The following ARFGEF1 variants were observed in gnomAD, a reference collection of about 807,000 sequenced individuals.
ARFGEF1 encodes brefeldin A-inhibited guanine nucleotide-exchange protein 1.
A neutral mutation model predicts 231.0 loss-of-function variants in ARFGEF1; 42 were observed. The ratio of observed to expected loss-of-function variants is 0.18; its 90% CI spans 0.14 to 0.24. The LOEUF is 0.24. ARFGEF1 is among the 10% of genes least tolerant of loss of function. ARFGEF1 has a pLI of 1.00. For missense variants in ARFGEF1, 1,345 were observed against 2,192.0 expected, an observed-to-expected ratio of 0.61 and a Z score of 7.72; for synonymous variants, 710 against 732.3, an observed-to-expected ratio of 0.97 and a Z score of 0.49.
intron 23 of ARFGEF1, 43 bp downstream of exon 23, chr8:67,232,812 G>A (rs1839598237): frequency 6.9e-7 from 1 of 1,453,116 alleles, no homozygotes; most frequent in African/African-American, 1.4e-5. Context: ...CTAAAGAACT[G>A]AAATAGTAAT....
intron 27 of ARFGEF1, 45 bp downstream of exon 27, chr8:67,227,091 CT>C (rs375978872): frequency 0.047 from 45,835 of 970,044 alleles, no homozygotes; most frequent in South Asian, 0.082. Flanking sequence ...GTTAAGGTTG[CT>C]TTTTTTTTTT....
At chr8:67,339,457 A>T (rs1293765008) in intron 1 of ARFGEF1, among the ~76,000 whole-genome samples, 1 of 152,052 alleles carries the variant, frequency 6.6e-6, no homozygotes, top group Non-Finnish European at 1.5e-5. Context: ...ACCCTAACAT[A>T]AAAGAAACTC....
intron 23 of ARFGEF1, among the ~76,000 whole-genome samples, chr8:67,230,255 C>T (rs1027148880): frequency 2.6e-5 from 4 of 152,072 alleles, no homozygotes; most frequent in African/African-American, 7.2e-5. Context: ...ATGGTTTCTA[C>T]ATTTTCCATA....
chr8:67,335,717 C>T (rs1019548397), intron 1 of ARFGEF1, among the ~76,000 whole-genome samples: 2 of 151,862 alleles, frequency 1.3e-5, no homozygotes, highest in Non-Finnish European at 2.9e-5. Context: ...CCTAAAGACA[C>T]GCCAGTGGTA....
At chr8:67,205,217 T>C (rs147221669) in intron 34 of ARFGEF1, among the ~76,000 whole-genome samples, 135 of 152,304 alleles carry the variant, frequency 8.9e-4, no homozygotes, top group Non-Finnish European at 1.7e-3. Context: ...TTGGAGCCAC[T>C]GCCCCAAGAC....
rs1166044194 is a variant in ARFGEF1, at chr8:67,238,738, A to G, written c.3135T>C (p.His1045=). ...GTTGAAAATAAAGTGCTTATACCTC[A>G]TGCCATGAATTTCCTAAATAATTTC... ...TDGNYLGNSW[H]EILKCISQLE... Residue 1045 remains histidine (H), a synonymous_variant, in exon 21 of 39, where the codon CAT becomes CAC. Coordinates refer to ENST00000262215, the MANE Select transcript of ARFGEF1 (RefSeq NM_006421.5). 1 of 1,613,460 alleles carries G rather than the reference A, an allele frequency of 6.2e-7. No individual in the cohort carries two copies. Among genetic ancestry groups the G allele is most frequent in the Non-Finnish European group, 8.5e-7 (1 of 1,179,762 alleles).
At chr8:67,322,743 TCTC>T (rs1310926173) in intron 1 of ARFGEF1, among the ~76,000 whole-genome samples, 2 of 152,158 alleles carry the variant, frequency 1.3e-5, no homozygotes, top group Non-Finnish European at 2.9e-5. Flanking sequence ...CGAAAAGTCT[TCTC>T]CTGCACTTCT....
chr8:67,303,420 A>C (rs1471106112), intron 1 of ARFGEF1, among the ~76,000 whole-genome samples: 1 of 152,100 alleles, frequency 6.6e-6, no homozygotes, highest in Non-Finnish European at 1.5e-5. Flanking sequence ...AAGACCCTTA[A>C]ATTTAATTGG....
chr8:67,313,043 A>G (rs1186994625), intron 1 of ARFGEF1, among the ~76,000 whole-genome samples: 1 of 152,240 alleles, frequency 6.6e-6, no homozygotes, highest in South Asian at 2.1e-4. Flanking sequence ...GTAAAGTAGC[A>G]GACTTATGCC....
intron 19 of ARFGEF1, among the ~76,000 whole-genome samples, chr8:67,245,959 A>T (rs2128881904): frequency 6.6e-6 from 1 of 150,666 alleles, no homozygotes; most frequent in East Asian, 1.9e-4. Context: ...TACTTGTATC[A>T]GAAAAAATAT....
downstream of ARFGEF1, among the ~76,000 whole-genome samples, chr8:67,194,990 GA>G (rs1178669977): frequency 1.3e-5 from 2 of 151,974 alleles, no homozygotes; most frequent in East Asian, 3.9e-4. Flanking sequence ...AAAATAAAAA[GA>G]AAAAAGAAAG....
chr8:67,266,047 G>A lies in ARFGEF1; in HGVS notation c.2082C>T (p.Val694=). 6.2e-7 allele frequency: 1 copy of A among 1,613,646 alleles called. No individual in the cohort carries two copies. The change falls in exon 14 of 39, where the codon GTC becomes GTT. Residue 694 remains valine (V), a synonymous_variant. Transcript: ENST00000262215. ...CTATTATTTCTTTTTGTTGCTTTAG[G>A]ACCTCAAATTGTTCTGGATTATCAG... ...SGTDNPEQFE[V]LKQQKEIIEQ... is the part of the protein sequence containing the mutation.
chr8:67,305,451 G>A (rs886282702), intron 1 of ARFGEF1, among the ~76,000 whole-genome samples: 3 of 152,134 alleles, frequency 2.0e-5, no homozygotes, highest in South Asian at 2.1e-4. Context: ...GGGTTCAAGC[G>A]ATTCTCCTGC....
At chr8:67,234,004 C>G (rs1261940159) in intron 22 of ARFGEF1, among the ~76,000 whole-genome samples, 1 of 152,092 alleles carries the variant, frequency 6.6e-6, no homozygotes, top group African/African-American at 2.4e-5. Context: ...GTTGCCTTCA[C>G]AACCAGATAA....
In ARFGEF1 at chr8:67,258,244, T is replaced by C; in HGVS notation, c.2282A>G (p.Glu761Gly). 1 of 1,610,354 alleles carries C rather than the reference T, an allele frequency of 6.2e-7. No homozygotes were observed. The highest frequency in any genetic ancestry group is 8.5e-7 in the Non-Finnish European group (1 of 1,176,888). ...TTGGTCCACATATGCATACATGACT[T>C]CTTTGTTAAATTTATCATTATCTCC... ...FLGDNDKFNK[E>G]VMYAYVDQHD... The change falls in exon 16 of 39, where the codon GAA (glutamate) becomes GGA (glycine). Residue 761 changes from glutamate (E) to glycine (G), a missense_variant. Transcript: ENST00000262215.
chr8:67,195,318 C>A, downstream of ARFGEF1: 1 of 966,142 alleles, frequency 1.0e-6, no homozygotes, highest in South Asian at 1.3e-5. Context: ...TACAAGAGAC[C>A]TGCGCTTATG....
intron 1 of ARFGEF1, among the ~76,000 whole-genome samples, chr8:67,339,179 T>C (rs956684002): frequency 6.6e-6 from 1 of 152,154 alleles, no homozygotes; most frequent in African/African-American, 2.4e-5. Flanking sequence ...CAATATAAAT[T>C]CATACCCTGT....
intron 1 of ARFGEF1, among the ~76,000 whole-genome samples, chr8:67,305,088 G>A (rs1806677166): frequency 6.6e-6 from 1 of 152,076 alleles, no homozygotes; most frequent in South Asian, 2.1e-4. Flanking sequence ...CGCTAACTAG[G>A]AATATCAGAG....
chr8:67,237,407 T>C (rs906287791), intron 22 of ARFGEF1, among the ~76,000 whole-genome samples: 1 of 152,212 alleles, frequency 6.6e-6, no homozygotes, highest in Non-Finnish European at 1.5e-5. Context: ...TGAAGCCATA[T>C]CATGGTCCTG....
Sources: gnomAD v4.1 joint callset for allele counts (sites outside exome capture counted in the v4.1 genomes callset) on GRCh38, gnomAD v4.1.1 for gene constraint, MANE v1.5 for transcripts, NCBI Gene and HGNC (gene_info 2026-07-23, HGNC 2026-07-21) for gene names.